DEPDC5: variants seen among roughly 807,000 people sequenced by gnomAD.
DEPDC5 encodes GATOR1 complex protein DEPDC5.
In DEPDC5, 73 loss-of-function variants were observed where a neutral mutation model predicts 217.3. The observed-to-expected ratio is 0.34, with a 90% CI of 0.28 to 0.41. The LOEUF (loss-of-function observed/expected upper bound fraction) is 0.41, where lower values mean the gene tolerates loss of function less well. DEPDC5 is among the 10% of genes least tolerant of loss of function. The probability of loss-of-function intolerance (pLI) is 1.00; values close to 1 mark genes in which losing one functional copy is unlikely to be tolerated. For missense variants in DEPDC5, 1,675 were observed against 2,070.1 expected (o/e 0.81, Z 3.70); for synonymous variants, 733 against 756.7 (o/e 0.97, Z 0.51).
At chr22:31,820,536 G>T (rs541823638) in intron 22 of DEPDC5, among the ~76,000 whole-genome samples, 1 of 152,122 alleles carries the variant, frequency 6.6e-6, no homozygotes, top group East Asian at 1.9e-4. Context: ...GAATCATTTG[G>T]CTGTAACTGG....
At chr22:31,888,065 C>T (rs1016250939) in intron 38 of DEPDC5, among the ~76,000 whole-genome samples, 4 of 152,048 alleles carry the variant, frequency 2.6e-5, no homozygotes, top group Non-Finnish European at 2.9e-5. Context: ...AAATGCCTGA[C>T]ATTGACACAT....
chr22:31,839,175 T>TAGTGTG (rs2091237367), intron 27 of DEPDC5, among the ~76,000 whole-genome samples: 1 of 152,206 alleles, frequency 6.6e-6, no homozygotes, highest in East Asian at 1.9e-4. Flanking sequence ...TTTAATTGTT[T>TAGTGTG]CTAGTACAGT....
chr22:31,777,733 A>G (rs966803912), intron 7 of DEPDC5, among the ~76,000 whole-genome samples: 2 of 151,634 alleles, frequency 1.3e-5, no homozygotes, highest in African/African-American at 2.4e-5. Flanking sequence ...AGTTGCCCCT[A>G]TTTCTTTTTG....
At chr22:31,802,981 T>C in intron 15 of DEPDC5, 143 bp downstream of exon 15, 1 of 1,138,386 alleles carries the variant, frequency 8.8e-7, no homozygotes, top group Non-Finnish European at 1.2e-6. Flanking sequence ...TGTCAATAGG[T>C]GTCAGGTGCT....
rs1400321665 is a variant in DEPDC5 at position 31,778,086 on chromosome 22, T to C, written c.414-13T>C. On this transcript the variant is annotated splice_polypyrimidine_tract_variant and intron_variant, in intron 7 of 42. Transcript: ENST00000651528. ...TGTAAGACTTGTAATAACTTGTGTGTGTATTCTTTCAGAGCACAGGCTGGT... is the reference window on the plus strand; with the variant it reads ...TGTAAGACTTGTAATAACTTGTGTGCGTATTCTTTCAGAGCACAGGCTGGT... 1.2e-6 allele frequency: 2 copies of C among 1,613,896 alleles called. No homozygotes were observed. The highest frequency in any genetic ancestry group is 3.3e-5 in the Admixed American group (2 of 59,996).
At chr22:31,763,601 A>G (rs1002797618) in intron 4 of DEPDC5, among the ~76,000 whole-genome samples, 1 of 151,346 alleles carries the variant, frequency 6.6e-6, no homozygotes, top group South Asian at 2.1e-4. Flanking sequence ...CCCAGCCCAC[A>G]GGATCATGCC....
chr22:31,834,745 A>G (rs1407378059), intron 25 of DEPDC5, among the ~76,000 whole-genome samples: 1 of 151,088 alleles, frequency 6.6e-6, no homozygotes, highest in Non-Finnish European at 1.5e-5. Context: ...TCAAACTCCT[A>G]ACCTCGTGAT....
chr22:31,776,572 C>CTTTTTTTTT (rs34058587), intron 7 of DEPDC5, among the ~76,000 whole-genome samples: 3 of 104,172 alleles, frequency 2.9e-5, no homozygotes, highest in African/African-American at 3.8e-5. Flanking sequence ...GTACTATTCA[C>CTTTTTTTTT]TTTTTTTTTT....
At chr22:31,885,259 C>T (rs750180030) in intron 38 of DEPDC5, among the ~76,000 whole-genome samples, 2 of 152,218 alleles carry the variant, frequency 1.3e-5, no homozygotes, top group African/African-American at 4.8e-5. Flanking sequence ...TGCCTTGTCC[C>T]CTGTCCGCCT....
intron 20 of DEPDC5, among the ~76,000 whole-genome samples, chr22:31,811,918 ACT>A (rs1338292497): frequency 2.6e-5 from 4 of 151,018 alleles, no homozygotes; most frequent in African/African-American, 9.7e-5. Context: ...GTAAGAAAGC[ACT>A]CTCTACCCCA....
In DEPDC5 at chr22:31,843,758, A is replaced by G. The variant is rs2091542529; in HGVS notation, c.2747A>G (p.Tyr916Cys). ...TTCTCCCACGAACGGCTGGAGGAGT[A>G]CAAGTGGAATTACTTAGATCAGTAT... ...VEFSHERLEE[Y>C]KWNYLDQYIC... Residue 916 changes from tyrosine (Y) to cysteine (C), a missense_variant, in exon 29 of 43, where the codon TAC becomes TGC. Tyr to Cys is a radical substitution (Grantham distance 194, BLOSUM62 -2). Coordinates refer to ENST00000651528, the MANE Select transcript of DEPDC5 (RefSeq NM_001242896.3). 1 of 1,614,074 alleles carries G rather than the reference A, an allele frequency of 6.2e-7. No homozygotes were observed. Among genetic ancestry groups the G allele is most frequent in the Non-Finnish European group, 8.5e-7 (1 of 1,179,952 alleles).
intron 25 of DEPDC5, among the ~76,000 whole-genome samples, chr22:31,834,950 A>G (rs1471983749): frequency 6.6e-6 from 1 of 152,158 alleles, no homozygotes; most frequent in Non-Finnish European, 1.5e-5. Flanking sequence ...ATTCATGACC[A>G]TTTGGATGGC....
chr22:31,887,222 C>T (rs1174399197), intron 38 of DEPDC5, among the ~76,000 whole-genome samples: 2 of 151,718 alleles, frequency 1.3e-5, no homozygotes, highest in East Asian at 1.9e-4. Flanking sequence ...ATTTCGAGAC[C>T]AGCCTGGCCA....
intron 20 of DEPDC5, chr22:31,813,887 C>A (rs1361665327): frequency 6.6e-6 from 1 of 152,176 alleles, no homozygotes; most frequent in Non-Finnish European, 1.5e-5. Context: ...AATCCCAGCA[C>A]TTTGGGAGGC....
intron 4 of DEPDC5, among the ~76,000 whole-genome samples, chr22:31,762,309 A>G (rs2082459599): frequency 6.6e-6 from 1 of 152,246 alleles, no homozygotes; most frequent in South Asian, 2.1e-4. Context: ...GCGTAGCCAG[A>G]AGCAGTGATT....
intron 39 of DEPDC5, 47 bp from the exon 40 acceptor site, chr22:31,897,435 T>A: frequency 6.4e-7 from 1 of 1,561,090 alleles, no homozygotes; most frequent in Non-Finnish European, 8.7e-7. Flanking sequence ...TTCTCTTGTT[T>A]GAAAGAACTT....
intron 10 of DEPDC5, 97 bp from the exon 11 acceptor site, chr22:31,791,925 CAAAAAAAAAAA>C (rs34494517): frequency 1.8e-4 from 22 of 124,126 alleles, no homozygotes; most frequent in Non-Finnish European, 2.1e-4. Context: ...GACTCCGTCT[CAAAAAAAAAAA>C]AAAAAAAAAA....
At chr22:31,808,215 C>T (rs2087787216) in intron 18 of DEPDC5, among the ~76,000 whole-genome samples, 1 of 151,790 alleles carries the variant, frequency 6.6e-6, no homozygotes, top group Non-Finnish European at 1.5e-5. Context: ...CGTGCCCCAG[C>T]CTCCCCAATA....
At chr22:31,822,045 A>G (rs575357089) in intron 23 of DEPDC5, among the ~76,000 whole-genome samples, 1 of 152,350 alleles carries the variant, frequency 6.6e-6, no homozygotes, top group Non-Finnish European at 1.5e-5. Context: ...AATAAATCCC[A>G]CTGTTGAGTT....
Sources: allele counts gnomAD v4.1 joint callset (sites outside exome capture counted in the v4.1 genomes callset), GRCh38; gene constraint gnomAD v4.1.1; transcripts MANE v1.5; gene names NCBI Gene and HGNC (gene_info 2026-07-23, HGNC 2026-07-21).